The following CHRM3 variants were observed in gnomAD, a reference collection of about 807,000 sequenced individuals.
The protein encoded by CHRM3 is cholinergic receptor muscarinic 3, also known as muscarinic acetylcholine receptor M3.
In CHRM3, 11 loss-of-function variants were observed where a neutral mutation model predicts 41.8. The observed-to-expected ratio is 0.26, with a 90% CI of 0.17 to 0.44. The LOEUF (loss-of-function observed/expected upper bound fraction) is 0.44, where lower values mean the gene tolerates loss of function less well. Ranked by LOEUF, CHRM3 falls within the 20% of genes least tolerant of loss-of-function variation. CHRM3 has a pLI of 1.00. For synonymous variants in CHRM3, 297 were observed against 301.4 expected, an observed-to-expected ratio of 0.99 and a Z score of 0.15; for missense variants, 571 against 745.4, an observed-to-expected ratio of 0.77 and a Z score of 2.72.
intron 5 of CHRM3, among the ~76,000 whole-genome samples, chr1:239,725,413 A>G (rs1220072586): frequency 6.6e-6 from 1 of 152,084 alleles, no homozygotes; most frequent in East Asian, 1.9e-4. Flanking sequence ...ATGAAAAGAT[A>G]TTTTTATCTA....
At chr1:239,439,726 A>G (rs1663558161) in intron 1 of CHRM3, among the ~76,000 whole-genome samples, 1 of 152,204 alleles carries the variant, frequency 6.6e-6, no homozygotes. Flanking sequence ...ATTGCATATC[A>G]TTATGCCTGG....
intron 5 of CHRM3, among the ~76,000 whole-genome samples, chr1:239,754,217 A>G (rs1666059837): frequency 6.6e-6 from 1 of 152,250 alleles, no homozygotes; most frequent in Non-Finnish European, 1.5e-5. Flanking sequence ...AATGTATCTT[A>G]TGACCACAAT....
chr1:239,913,312 C>T lies in CHRM3; in HGVS notation c.*4088C>T, dbSNP rs1454785944. 1 of 166,968 alleles carries T rather than the reference C, an allele frequency of 6.0e-6. No individual in the cohort carries two copies. The highest frequency in any genetic ancestry group is 6.5e-5 in the Admixed American group (1 of 15,274). The allele number at this position is 166,968 out of a possible 1,614,324, so 10.3% of individuals were successfully genotyped here. On this transcript the variant is annotated 3_prime_UTR_variant, in exon 7 of 7. Coordinates refer to ENST00000676153, the MANE Select transcript of CHRM3 (RefSeq NM_001375978.1). The stretch of plus-strand genomic sequence containing the variant: ...GGTTTTGCAATAGCATTTCTCATAA[C>T]AGAACTGAAACTGTATAGATTACAA...
intron 5 of CHRM3, among the ~76,000 whole-genome samples, chr1:239,692,994 T>C (rs1007686631): frequency 1.1e-4 from 17 of 152,210 alleles, no homozygotes; most frequent in South Asian, 2.1e-4. Flanking sequence ...ATGTACTTTG[T>C]AAGTGTACAT....
At chr1:239,903,598 G>A (rs1386878522) in intron 6 of CHRM3, among the ~76,000 whole-genome samples, 1 of 152,170 alleles carries the variant, frequency 6.6e-6, no homozygotes, top group Non-Finnish European at 1.5e-5. Context: ...CAAGGAGGTG[G>A]TGTTCACCTC....
At chr1:239,713,634 C>G (rs1160085346) in intron 5 of CHRM3, among the ~76,000 whole-genome samples, 6 of 152,112 alleles carry the variant, frequency 3.9e-5, no homozygotes, top group African/African-American at 7.2e-5. Context: ...TTCTATAGCT[C>G]CCATCACAGA....
At chr1:239,637,181 C>T (rs1670549562) in intron 4 of CHRM3, among the ~76,000 whole-genome samples, 1 of 151,996 alleles carries the variant, frequency 6.6e-6, no homozygotes, top group Non-Finnish European at 1.5e-5. Flanking sequence ...AATTCTTGAT[C>T]AATGGTCTTA....
chr1:239,500,129 AG>A (rs1280937125), intron 2 of CHRM3, among the ~76,000 whole-genome samples: 2 of 152,258 alleles, frequency 1.3e-5, no homozygotes, highest in African/African-American at 2.4e-5. Flanking sequence ...TTTAGCATGA[AG>A]GGTTGTTGAA....
At position 239,908,885 on chromosome 1, in the gene CHRM3, G is replaced by A; in HGVS notation, c.1434G>A (p.Arg478=). The part of the protein sequence containing the change: ...ALKTRSQITK[R]KRMSLVKEKK... ...AGACCAGAAGTCAGATCACTAAGCG[G>A]AAAAGGATGTCCCTGGTCAAGGAGA... Residue 478 remains arginine, a synonymous_variant, in exon 7 of 7, where the codon CGG becomes CGA. Coordinates refer to ENST00000676153, the MANE Select transcript of CHRM3 (RefSeq NM_001375978.1). The surrounding 1 kb of genome is among the most constrained non-coding windows in gnomAD (Gnocchi z 7.2). 1.9e-6 allele frequency: 3 copies of A among 1,614,104 alleles called. No homozygotes were observed. The highest frequency in any genetic ancestry group is 1.7e-6 in the Non-Finnish European group (2 of 1,180,020).
In CHRM3 at chr1:239,458,210, C is replaced by T. The variant is rs143330426; in HGVS notation, c.-520-34499C>T. Among the ~76,000 whole-genome samples, 14 of 152,042 alleles carry T rather than the reference C, an allele frequency of 9.2e-5. No individual in the cohort carries two copies. In the East Asian group the frequency reaches 1.4e-3, roughly 15 times the overall value. On this transcript the variant is annotated intron_variant, in intron 1 of 6. Coordinates refer to ENST00000676153, the MANE Select transcript of CHRM3 (RefSeq NM_001375978.1). ...CAAACGTTATCAAGAAAAATGAAAC[C>T]GAGAAAAGGGCCTCGTTTTTAAAGT...
chr1:239,770,219 G>A (rs1022687176), intron 5 of CHRM3, among the ~76,000 whole-genome samples: 1 of 152,136 alleles, frequency 6.6e-6, no homozygotes. Context: ...TTCACGGGAC[G>A]TAGGTTTGTG....
chr1:239,749,250 G>A (rs1665611413), intron 5 of CHRM3, among the ~76,000 whole-genome samples: 1 of 152,078 alleles, frequency 6.6e-6, no homozygotes, highest in African/African-American at 2.4e-5. Context: ...TTTTTCTTTG[G>A]GGAGAGGGGA....
intron 1 of CHRM3, among the ~76,000 whole-genome samples, chr1:239,432,835 T>G (rs1662933131): frequency 6.6e-6 from 1 of 152,228 alleles, no homozygotes; most frequent in South Asian, 2.1e-4. Context: ...AATATTGCTT[T>G]CTAAGCCATT....
intron 5 of CHRM3, among the ~76,000 whole-genome samples, chr1:239,744,586 C>T (rs546520580): frequency 2.0e-5 from 3 of 152,194 alleles, no homozygotes; most frequent in Admixed American, 6.5e-5. Flanking sequence ...TCAGGTCAGC[C>T]GGGCAGGGCA....
At chr1:239,578,774 A>T (rs1248301259) in intron 3 of CHRM3, among the ~76,000 whole-genome samples, 1 of 151,892 alleles carries the variant, frequency 6.6e-6, no homozygotes, top group Non-Finnish European at 1.5e-5. Context: ...GATCACTGGG[A>T]CTCCACCCGG....
chr1:239,644,911 C>A (rs1368752782), intron 4 of CHRM3, among the ~76,000 whole-genome samples: 1 of 152,158 alleles, frequency 6.6e-6, no homozygotes, highest in Non-Finnish European at 1.5e-5. Flanking sequence ...ATAAGTGGGC[C>A]TACTTGAGAC....
chr1:239,556,953 A>AAGCTT (rs1660422568), intron 3 of CHRM3, among the ~76,000 whole-genome samples: 1 of 152,158 alleles, frequency 6.6e-6, no homozygotes, highest in African/African-American at 2.4e-5. Flanking sequence ...CATTAGTTAC[A>AAGCTT]AGCTTAGAAT....
chr1:239,854,250 C>T (rs1572495385), intron 6 of CHRM3, among the ~76,000 whole-genome samples: 1 of 151,972 alleles, frequency 6.6e-6, no homozygotes, highest in Non-Finnish European at 1.5e-5. Context: ...ATTCTTTAGT[C>T]CCTCTGAAAA....
rs1680323208 is a variant in CHRM3 at position 239,910,781 on chromosome 1, C to T, written c.*1557C>T. 6.0e-6 allele frequency: 1 copy of T among 166,644 alleles called. No homozygotes were observed. The highest frequency in any genetic ancestry group is 2.1e-4 in the South Asian group (1 of 4,800). The allele number at this position is 166,644 out of a possible 1,614,324, so 10.3% of individuals were successfully genotyped here. On this transcript the variant is annotated 3_prime_UTR_variant, in exon 7 of 7. Transcript: ENST00000676153. ...GTGGGAGGGCCGCGGAGATATCTTC[C>T]CTTTGTACAGGGCATTCGTGTTGTG...
Sources: gnomAD v4.1 joint callset for allele counts (sites outside exome capture counted in the v4.1 genomes callset) on GRCh38, gnomAD v4.1.1 for gene constraint, Gnocchi (gnomAD v3.1) non-coding constraint, MANE v1.5 for transcripts, NCBI Gene and HGNC (gene_info 2026-07-23, HGNC 2026-07-21) for gene names.